Variants in STYXL1 observed in about 807,000 individuals in gnomAD.
The protein encoded by STYXL1 is serine/threonine/tyrosine interacting like 1, also known as serine/threonine/tyrosine-interacting-like protein 1.
In STYXL1, 32 loss-of-function variants were observed where a neutral mutation model predicts 36.4. The ratio of observed to expected loss-of-function variants is 0.88; its 90% CI spans 0.66 to 1.18. The LOEUF is 1.18. STYXL1 is among the 50% of genes most tolerant of loss of function. The probability of loss-of-function intolerance (pLI) is 0.00; values close to 1 mark genes in which losing one functional copy is unlikely to be tolerated. For missense variants in STYXL1, 354 were observed against 394.1 expected, an observed-to-expected ratio of 0.90 and a Z score of 0.86; for synonymous variants, 133 against 144.1, an observed-to-expected ratio of 0.92 and a Z score of 0.55.
At chr7:76,015,474 G>A (rs1793166074) in intron 4 of STYXL1, among the ~76,000 whole-genome samples, 2 of 152,106 alleles carry the variant, frequency 1.3e-5, no homozygotes, top group Admixed American at 6.6e-5. Flanking sequence ...AATAATTTTT[G>A]GCTAAGTCCT....
chr7:76,004,100 TTTTG>T (rs2116780929), intron 6 of STYXL1, among the ~76,000 whole-genome samples: 1 of 152,206 alleles, frequency 6.6e-6, no homozygotes, highest in South Asian at 2.1e-4. Context: ...TTGTCTTTTT[TTTTG>T]TTTGTTTGAG....
At chr7:76,041,348 G>A (rs1796459538) in intron 1 of STYXL1, among the ~76,000 whole-genome samples, 3 of 152,160 alleles carry the variant, frequency 2.0e-5, no homozygotes, top group Admixed American at 6.5e-5. Context: ...CAGTACATGT[G>A]GGTGTGTAGG....
At chr7:76,012,821 C>T (rs147047514) in intron 5 of STYXL1, among the ~76,000 whole-genome samples, 2,200 of 152,340 alleles carry the variant, frequency 0.014, 35 homozygotes, top group Non-Finnish European at 0.023. Context: ...CGTGAGCCAC[C>T]GTGCCTGACC....
At chr7:75,998,804 C>G (rs7785033) in intron 8 of STYXL1, 149,829 of 152,326 alleles carry the variant, frequency 0.98, 73,731 homozygotes, top group East Asian at 1. Context: ...CTAACTTAAA[C>G]AGAAGACACA....
intron 4 of STYXL1, among the ~76,000 whole-genome samples, chr7:76,019,304 C>A (rs375825624): frequency 0.011 from 1,635 of 142,808 alleles, 25 homozygotes; most frequent in African/African-American, 0.038. Context: ...TTTTTAAATA[C>A]GTTTTTTTTA....
intron 1 of STYXL1, among the ~76,000 whole-genome samples, chr7:76,046,645 C>CT (rs147700789): frequency 2.0e-4 from 23 of 116,054 alleles, no homozygotes; most frequent in African/African-American, 7.9e-4. Flanking sequence ...CCACACCCGG[C>CT]TTTTTTTTTT....
At chr7:76,030,215 T>C (rs1483588056) in intron 2 of STYXL1, among the ~76,000 whole-genome samples, 1 of 152,154 alleles carries the variant, frequency 6.6e-6, no homozygotes, top group Admixed American at 6.5e-5. Context: ...GCCTGGCTGG[T>C]CTTGATCTCC....
chr7:76,003,904 C>T (rs782750747), intron 6 of STYXL1, 49 bp from the exon 7 acceptor site: 1 of 1,564,030 alleles, frequency 6.4e-7, no homozygotes, highest in South Asian at 1.1e-5. Context: ...AGAATGCAGG[C>T]ATCCCCATTG....
intron 1 of STYXL1, among the ~76,000 whole-genome samples, chr7:76,034,243 C>T (rs180695912): frequency 1.3e-5 from 2 of 151,764 alleles, no homozygotes; most frequent in East Asian, 3.9e-4. Flanking sequence ...ATTGGAACTA[C>T]AGGCACATGC....
At chr7:76,021,587 T>C (rs1231426707) in intron 4 of STYXL1, among the ~76,000 whole-genome samples, 1 of 152,098 alleles carries the variant, frequency 6.6e-6, no homozygotes, top group Non-Finnish European at 1.5e-5. Context: ...AACCAATCAA[T>C]GACCCCAACT....
intron 3 of STYXL1, among the ~76,000 whole-genome samples, chr7:76,024,129 C>T (rs1453758004): frequency 2.0e-5 from 3 of 152,076 alleles, no homozygotes; most frequent in Non-Finnish European, 4.4e-5. Context: ...CTCCCCACCT[C>T]GGCCTCCCAA....
At chr7:76,005,464 A>C (rs1056902275) in intron 5 of STYXL1, 60 bp from the exon 6 acceptor site, 3 of 1,493,398 alleles carry the variant, frequency 2.0e-6, no homozygotes, top group East Asian at 2.4e-5. Flanking sequence ...AGGGATGTCT[A>C]TCTCTTGAAA....
chr7:76,024,470 AGCTG>A (rs1554577130), intron 3 of STYXL1, among the ~76,000 whole-genome samples: 1 of 151,938 alleles, frequency 6.6e-6, no homozygotes, highest in African/African-American at 2.4e-5. Flanking sequence ...AATACAAGTT[AGCTG>A]GGTGTGGTGG....
At chr7:76,025,210 A>G (rs1374691821) in intron 3 of STYXL1, among the ~76,000 whole-genome samples, 2 of 150,202 alleles carry the variant, frequency 1.3e-5, no homozygotes, top group East Asian at 4.0e-4. Context: ...GAAGGCCTCA[A>G]TCTGCTAACT....
chr7:76,010,357 TA>T (rs1792406666), intron 5 of STYXL1, among the ~76,000 whole-genome samples: 1 of 152,208 alleles, frequency 6.6e-6, no homozygotes, highest in Non-Finnish European at 1.5e-5. Context: ...CAGGCATGCA[TA>T]CCCTGGATCT....
intron 3 of STYXL1, among the ~76,000 whole-genome samples, chr7:76,023,527 C>T (rs150398460): frequency 0.011 from 1,641 of 151,900 alleles, 29 homozygotes; most frequent in African/African-American, 0.036. Flanking sequence ...CCATACTTGG[C>T]TAATTTATAT....
chr7:76,024,257 G>T (rs1794412966), intron 3 of STYXL1, among the ~76,000 whole-genome samples: 1 of 152,166 alleles, frequency 6.6e-6, no homozygotes, highest in Non-Finnish European at 1.5e-5. Context: ...AAAGGGGGAG[G>T]TGTTGGGCAG....
intron 1 of STYXL1, among the ~76,000 whole-genome samples, chr7:76,039,322 C>T (rs528268828): frequency 7.2e-6 from 1 of 138,382 alleles, no homozygotes; most frequent in Non-Finnish European, 1.5e-5. Context: ...GTGATCTTCC[C>T]GCCTCAGCCT....
At chr7:76,039,066 TAGCTG>T (rs1796227929) in intron 1 of STYXL1, among the ~76,000 whole-genome samples, 2 of 148,110 alleles carry the variant, frequency 1.4e-5, no homozygotes, top group Non-Finnish European at 2.9e-5. Context: ...TCCTACCAAG[TAGCTG>T]GGACTACAGG....
Sources: gnomAD v4.1 joint callset for allele counts (sites outside exome capture counted in the v4.1 genomes callset) on GRCh38, gnomAD v4.1.1 for gene constraint, MANE v1.5 for transcripts, NCBI Gene and HGNC (gene_info 2026-07-23, HGNC 2026-07-21) for gene names.